Variants in STPG2 observed in about 807,000 individuals in gnomAD.
STPG2 encodes sperm-tail PG-rich repeat-containing protein 2.
STPG2 carries 56 observed loss-of-function variants against 54.2 expected under a neutral mutation model. The ratio of observed to expected loss-of-function variants is 1.03; its 90% CI spans 0.83 to 1.29. The LOEUF (loss-of-function observed/expected upper bound fraction) is 1.29, where lower values mean the gene tolerates loss of function less well. Ranked by LOEUF, STPG2 falls within the 50% of genes most tolerant of loss-of-function variation. The pLI is 0.00. For missense variants in STPG2, 596 were observed against 544.9 expected (o/e 1.09, Z -0.93); for synonymous variants, 200 against 181.8 (o/e 1.10, Z -0.81).
At chr4:97,922,193 A>G (rs1370029318) in intron 8 of STPG2, among the ~76,000 whole-genome samples, 2 of 152,308 alleles carry the variant, frequency 1.3e-5, no homozygotes, top group African/African-American at 2.4e-5. Flanking sequence ...GTGGTGATGA[A>G]TATGTTAATT....
At chr4:98,028,805 C>T (rs1736507875) in intron 5 of STPG2, among the ~76,000 whole-genome samples, 1 of 151,944 alleles carries the variant, frequency 6.6e-6, no homozygotes, top group South Asian at 2.1e-4. Flanking sequence ...CATCTTTCTT[C>T]TTTTCTAATA....
chr4:97,813,691 A>T, intron 9 of STPG2, among the ~76,000 whole-genome samples: 1 of 101,766 alleles, frequency 9.8e-6, no homozygotes, highest in African/African-American at 4.0e-5. Flanking sequence ...AAAAAAAAAA[A>T]AAAAAAAAAA....
intron 4 of STPG2, among the ~76,000 whole-genome samples, chr4:97,477,409 AT>A (rs1455979519): frequency 2.6e-5 from 4 of 151,368 alleles, no homozygotes; most frequent in Non-Finnish European, 5.9e-5. Context: ...GCAAAGAAAA[AT>A]TTTATATCAT....
intron 10 of STPG2, among the ~76,000 whole-genome samples, chr4:97,595,908 A>G (rs1733276976): frequency 6.6e-6 from 1 of 152,238 alleles, no homozygotes; most frequent in Non-Finnish European, 1.5e-5. Flanking sequence ...AATCAAATTC[A>G]CATACATCAA....
At chr4:97,989,171 A>G (rs991758739) in intron 5 of STPG2, among the ~76,000 whole-genome samples, 1 of 152,210 alleles carries the variant, frequency 6.6e-6, no homozygotes, top group Non-Finnish European at 1.5e-5. Context: ...TTTTTTATCT[A>G]TCAACTTGTA....
chr4:98,113,743 C>T (rs1172378790), intron 3 of STPG2, among the ~76,000 whole-genome samples: 1 of 151,830 alleles, frequency 6.6e-6, no homozygotes, highest in Admixed American at 6.6e-5. Context: ...AAAGCCCAGC[C>T]CCTTGTCATG....
intron 7 of STPG2, among the ~76,000 whole-genome samples, chr4:97,964,959 A>T (rs1163408609): frequency 6.6e-6 from 1 of 152,148 alleles, no homozygotes; most frequent in African/African-American, 2.4e-5. Context: ...TTTCCAACTG[A>T]GGCACCTGGT....
intron 10 of STPG2, among the ~76,000 whole-genome samples, chr4:97,669,364 C>T (rs116366565): frequency 3.5e-4 from 53 of 152,258 alleles, no homozygotes; most frequent in African/African-American, 1.2e-3. Context: ...ATTGAAGACA[C>T]AATCTTGCAG....
chr4:97,862,228 T>G (rs1729578094), intron 8 of STPG2, among the ~76,000 whole-genome samples: 1 of 149,082 alleles, frequency 6.7e-6, no homozygotes, highest in Admixed American at 6.7e-5. Flanking sequence ...ACACATAGGC[T>G]CAAAATAAAG....
intron 8 of STPG2, among the ~76,000 whole-genome samples, chr4:97,876,113 C>G (rs1730161760): frequency 6.6e-6 from 1 of 152,002 alleles, no homozygotes; most frequent in South Asian, 2.1e-4. Context: ...GCAATCTAAT[C>G]TCAAGCGAAT....
chr4:98,101,891 G>C (rs1182560723), intron 5 of STPG2, among the ~76,000 whole-genome samples: 1 of 130,054 alleles, frequency 7.7e-6, no homozygotes, highest in African/African-American at 3.0e-5. Flanking sequence ...CCTTAGCCTT[G>C]ATTCCAAGAT....
chr4:97,466,940 A>G (rs1560621056), intron 4 of STPG2, among the ~76,000 whole-genome samples: 2 of 152,068 alleles, frequency 1.3e-5, no homozygotes, highest in Non-Finnish European at 2.9e-5. Flanking sequence ...TTTGCAATAG[A>G]CTTTTTAGCA....
chr4:97,970,988 T>C (rs955830119), intron 7 of STPG2, among the ~76,000 whole-genome samples: 1 of 151,838 alleles, frequency 6.6e-6, no homozygotes, highest in Admixed American at 6.6e-5. Flanking sequence ...CAGCAAAAAG[T>C]GGGCAAAGGA....
chr4:98,126,256 A>C (rs1739825956), intron 3 of STPG2, among the ~76,000 whole-genome samples: 1 of 152,162 alleles, frequency 6.6e-6, no homozygotes, highest in African/African-American at 2.4e-5. Flanking sequence ...TCCCTGGGCC[A>C]GAGTATGAAA....
At chr4:97,469,862 T>C (rs888026757) in intron 4 of STPG2, among the ~76,000 whole-genome samples, 1 of 152,114 alleles carries the variant, frequency 6.6e-6, no homozygotes, top group Admixed American at 6.6e-5. Context: ...AAGGTTGTGT[T>C]TTATGTGCAG....
intron 9 of STPG2, among the ~76,000 whole-genome samples, chr4:97,786,556 T>C (rs964219867): frequency 6.6e-6 from 1 of 152,130 alleles, no homozygotes; most frequent in Non-Finnish European, 1.5e-5. Flanking sequence ...AAATATTACA[T>C]GAAAATTTTC....
At chr4:98,077,112 T>C (rs1738190588) in intron 5 of STPG2, among the ~76,000 whole-genome samples, 1 of 152,332 alleles carries the variant, frequency 6.6e-6, no homozygotes, top group African/African-American at 2.4e-5. Flanking sequence ...ACTTTTGTTC[T>C]CTCATAAACA....
chr4:97,983,388 G>C (rs1319972052), intron 5 of STPG2, among the ~76,000 whole-genome samples: 2 of 152,138 alleles, frequency 1.3e-5, no homozygotes, highest in Non-Finnish European at 2.9e-5. Context: ...TTTGGGAGGA[G>C]TCAAAAGCCA....
intron 4 of STPG2, among the ~76,000 whole-genome samples, chr4:97,451,961 G>C (rs1729381064): frequency 6.6e-6 from 1 of 152,092 alleles, no homozygotes; most frequent in Non-Finnish European, 1.5e-5. Flanking sequence ...GTGCAGCCAG[G>C]ACTGCACACT....
Sources: allele counts gnomAD v4.1 joint callset (sites outside exome capture counted in the v4.1 genomes callset), GRCh38; gene constraint gnomAD v4.1.1; transcripts MANE v1.5; gene names NCBI Gene and HGNC (gene_info 2026-07-23, HGNC 2026-07-21).